Variants in MAPT observed in about 807,000 individuals in gnomAD.
MAPT encodes microtubule associated protein tau.
In MAPT, 34 loss-of-function variants were observed where a neutral mutation model predicts 67.9. The ratio of observed to expected loss-of-function variants is 0.50; its 90% CI spans 0.38 to 0.67. The LOEUF (loss-of-function observed/expected upper bound fraction) is 0.67. MAPT is among the 30% of genes least tolerant of loss of function. MAPT has a pLI of 0.00. For missense variants in MAPT, 881 were observed against 1,115.2 expected (o/e 0.79, Z 2.99); for synonymous variants, 456 against 464.5 (o/e 0.98, Z 0.23).
intron 1 of MAPT, among the ~76,000 whole-genome samples, chr17:45,921,241 C>G (rs902134151): frequency 6.6e-6 from 1 of 152,090 alleles, no homozygotes; most frequent in Non-Finnish European, 1.5e-5. Flanking sequence ...CAGGGCAGAC[C>G]GTGGGAAGCT....
At chr17:45,951,271 A>C (rs1300203882) in intron 1 of MAPT, among the ~76,000 whole-genome samples, 2 of 152,242 alleles carry the variant, frequency 1.3e-5, no homozygotes, top group Non-Finnish European at 2.9e-5. Context: ...ATGTTTTGGA[A>C]CTAGATAGAG....
chr17:45,960,535 G>A (rs1329660961), intron 1 of MAPT, among the ~76,000 whole-genome samples: 4 of 152,250 alleles, frequency 2.6e-5, no homozygotes, highest in Admixed American at 1.3e-4. Context: ...GATGTCAACA[G>A]TAATCGTTTC....
chr17:46,024,097 G>A lies in MAPT; in HGVS notation c.2428G>A (p.Asp810Asn), dbSNP rs748310006. ...CAATGTCTCCTCCACCGGCAGCATC[G>A]ACATGGTAGACTCGCCCCAGCTCGC... ...LSNVSSTGSI[D>N]MVDSPQLATL... Residue 810 changes from aspartate (D) to asparagine (N), a missense_variant, in exon 13 of 13, where the codon GAC becomes AAC. Around this residue, in one of 6 missense-constraint regions of MAPT, gnomAD observed 79 missense variants for 150.9 expected, o/e 0.52. Coordinates refer to ENST00000262410, the MANE Select transcript of MAPT (RefSeq NM_001377265.1). 12 of 1,614,056 alleles carry A rather than the reference G, an allele frequency of 7.4e-6. No homozygotes were observed. Among genetic ancestry groups the A allele is most frequent in the Admixed American group, 3.3e-5 (2 of 60,006 alleles).
intron 1 of MAPT, among the ~76,000 whole-genome samples, chr17:45,948,897 G>A (rs2068768590): frequency 6.6e-6 from 1 of 152,176 alleles, no homozygotes; most frequent in South Asian, 2.1e-4. Flanking sequence ...AATTACCTTG[G>A]AGAACAAAGC....
chr17:46,022,353 C>CA (rs56222318), intron 12 of MAPT, among the ~76,000 whole-genome samples: 18,248 of 89,328 alleles, frequency 0.2, 2,165 homozygotes, highest in East Asian at 0.72. Context: ...ATCTTTGTCT[C>CA]AAAAAAAAAA....
intron 2 of MAPT, chr17:45,969,198 A>G (rs537873174): frequency 1.3e-5 from 2 of 152,398 alleles, no homozygotes; most frequent in Admixed American, 1.3e-4. Flanking sequence ...AGAGCTGAGG[A>G]ACCATTGATC....
rs781583119 is a variant in MAPT at position 45,983,286 on chromosome 17, A to AG, written c.710dup (p.Arg239GlnfsTer13). ...ATGCCTGGGGCTCCCCTCCTGCCTG[A>AG]GGGCCCCAGAGAGGCCACACGCCAA... is the stretch of plus-strand genomic sequence containing the variant. On this transcript the variant is annotated frameshift_variant, in exon 5 of 13. Transcript: ENST00000262410. LOFTEE classifies it high-confidence loss of function. 6.3e-7 allele frequency: 1 copy of AG among 1,598,716 alleles called. No homozygotes were observed. Among genetic ancestry groups the AG allele is most frequent in the South Asian group, 1.1e-5 (1 of 89,048 alleles).
chr17:46,024,162 G>A lies in MAPT; in HGVS notation c.2493G>A (p.Gln831=), dbSNP rs370771794. ...AGGTGTCTGCCTCCCTGGCCAAGCAGGGTTTGTGATCAGGCCCCTGGGGCG... is the reference window on the plus strand; with the variant it reads ...AGGTGTCTGCCTCCCTGGCCAAGCAAGGTTTGTGATCAGGCCCCTGGGGCG... ...ADEVSASLAK[Q]GL is the part of the protein sequence containing the mutation. The change falls in exon 13 of 13, where the codon CAG becomes CAA. Residue 831 remains glutamine, a synonymous_variant. Coordinates refer to ENST00000262410, the MANE Select transcript of MAPT (RefSeq NM_001377265.1). The A allele has an allele frequency of 3.1e-6, 5 of 1,613,884 alleles. No homozygotes were observed. The African/African-American group carries it at 5.3e-5, about 17-fold the overall frequency.
At chr17:45,925,134 C>T (rs909746325) in intron 1 of MAPT, among the ~76,000 whole-genome samples, 8 of 152,188 alleles carry the variant, frequency 5.3e-5, no homozygotes, top group African/African-American at 1.2e-4. Flanking sequence ...TTGTGTTTGA[C>T]GCATGATAGG....
intron 1 of MAPT, among the ~76,000 whole-genome samples, chr17:45,957,778 T>C (rs539184736): frequency 3.1e-4 from 47 of 151,994 alleles, no homozygotes; most frequent in African/African-American, 1.1e-3. Context: ...CTAAATATCA[T>C]GAAGGGAGCA....
chr17:45,930,229 G>A (rs2066717155), intron 1 of MAPT, among the ~76,000 whole-genome samples: 1 of 152,084 alleles, frequency 6.6e-6, no homozygotes, highest in African/African-American at 2.4e-5. Context: ...GTGAAACCTT[G>A]TCTCTACAAA....
In MAPT at chr17:46,024,606, C is replaced by A; in HGVS notation, c.*435C>A. 1 of 248,596 alleles carries A rather than the reference C, an allele frequency of 4.0e-6. No homozygotes were observed. Among genetic ancestry groups the A allele is most frequent in the South Asian group, 4.4e-5 (1 of 22,768 alleles). The allele number at this position is 248,596 out of a possible 1,614,324, so 15.4% of individuals were successfully genotyped here. A position where few individuals can be genotyped will look rare whatever the true frequency, so the allele number is the denominator to read the frequency against. On this transcript the variant is annotated 3_prime_UTR_variant, in exon 13 of 13. Transcript: ENST00000262410. ...GGGGGTGTCACAGAGGCAGTGGCAG[C>A]AACAAAGGATTTGAAACTTGGTGTG...
At chr17:45,978,492 TG>T in intron 4 of MAPT, 52 bp downstream of exon 4, 1 of 757,552 alleles carries the variant, frequency 1.3e-6, no homozygotes, top group Non-Finnish European at 2.3e-6. Context: ...GGGAGGGACA[TG>T]GGGTGGGCTC....
intron 1 of MAPT, among the ~76,000 whole-genome samples, chr17:45,916,752 C>T (rs1195779312): frequency 3.3e-5 from 5 of 152,200 alleles, no homozygotes; most frequent in Admixed American, 1.3e-4. Context: ...TTAAGGACCA[C>T]GAGTTTGGCA....
chr17:45,924,724 G>A (rs1227662941), intron 1 of MAPT, among the ~76,000 whole-genome samples: 1 of 152,242 alleles, frequency 6.6e-6, no homozygotes, highest in African/African-American at 2.4e-5. Flanking sequence ...TGGCTTATGG[G>A]AACTATCCCA....
intron 1 of MAPT, among the ~76,000 whole-genome samples, chr17:45,944,893 G>T (rs868585892): frequency 9.2e-5 from 14 of 152,066 alleles, no homozygotes; most frequent in Non-Finnish European, 1.2e-4. Context: ...CATCCCTCCC[G>T]ACTCTCACTC....
intron 1 of MAPT, among the ~76,000 whole-genome samples, chr17:45,924,289 T>C (rs1450797941): frequency 6.6e-6 from 1 of 152,112 alleles, no homozygotes; most frequent in African/African-American, 2.4e-5. Flanking sequence ...CCCACTTCAA[T>C]TGTAAATGTA....
intron 9 of MAPT, chr17:45,999,672 G>T (rs2074830759): frequency 1.3e-6 from 2 of 1,583,702 alleles, no homozygotes; most frequent in Non-Finnish European, 1.7e-6. Context: ...TGTAGAAAGG[G>T]GCAGATGGGA....
rs1018327224 is a variant in MAPT at position 46,026,173 on chromosome 17, C to A, written c.*2002C>A. 5 of 152,600 alleles carry A rather than the reference C, an allele frequency of 3.3e-5. No individual in the cohort carries two copies. The highest frequency in any genetic ancestry group is 3.3e-4 in the Admixed American group (5 of 15,278). 9.5% of individuals were successfully genotyped at this position (152,600 alleles called of 1,614,324 possible). ...CCACCCTCACGAGGTGTCTCTCACCCCCACACTGGGACTCGTGTGGCCTGT... is the reference window on the plus strand; with the variant it reads ...CCACCCTCACGAGGTGTCTCTCACCACCACACTGGGACTCGTGTGGCCTGT... On this transcript the variant is annotated 3_prime_UTR_variant, in exon 13 of 13. Transcript: ENST00000262410.
Sources: gnomAD v4.1 joint callset for allele counts (sites outside exome capture counted in the v4.1 genomes callset) on GRCh38, gnomAD v4.1.1 for gene constraint, gnomAD v4.1.1 regional missense constraint, MANE v1.5 for transcripts, NCBI Gene and HGNC (gene_info 2026-07-23, HGNC 2026-07-21) for gene names.